The following NR3C2 variants were observed in gnomAD, a reference collection of about 807,000 sequenced individuals.
The protein encoded by NR3C2 is nuclear receptor subfamily 3 group C member 2, also known as mineralocorticoid receptor.
NR3C2 carries 15 observed loss-of-function variants against 86.4 expected under a neutral mutation model. The observed-to-expected ratio is 0.17, with a 90% CI of 0.12 to 0.27. NR3C2 has a LOEUF of 0.27. Ranked by LOEUF, NR3C2 falls within the 10% of genes least tolerant of loss-of-function variation. The pLI is 1.00. For synonymous variants in NR3C2, 458 were observed against 450.5 expected, an observed-to-expected ratio of 1.02 and a Z score of -0.21; for missense variants, 960 against 1,195.6, an observed-to-expected ratio of 0.80 and a Z score of 2.91.
At chr4:148,218,587 T>C (rs1433492412) in intron 3 of NR3C2, among the ~76,000 whole-genome samples, 5 of 152,156 alleles carry the variant, frequency 3.3e-5, no homozygotes, top group African/African-American at 1.2e-4. Flanking sequence ...ATTAGTCAAT[T>C]TACAGAGCTT....
At chr4:148,105,688 T>C (rs1232787294) in intron 8 of NR3C2, among the ~76,000 whole-genome samples, 1 of 152,200 alleles carries the variant, frequency 6.6e-6, no homozygotes, top group East Asian at 1.9e-4. Context: ...CACGATCAAG[T>C]TGGCTTCATC....
chr4:148,211,686 G>T (rs531459724), intron 3 of NR3C2, among the ~76,000 whole-genome samples: 1 of 151,938 alleles, frequency 6.6e-6, no homozygotes, highest in South Asian at 2.1e-4. Flanking sequence ...CCTCTATGAA[G>T]CAGGATGGAG....
chr4:148,207,384 T>C (rs752026902), intron 3 of NR3C2, among the ~76,000 whole-genome samples: 23 of 152,212 alleles, frequency 1.5e-4, no homozygotes, highest in Non-Finnish European at 2.8e-4. Context: ...GTACTGAATC[T>C]TCGCATGCAT....
At chr4:148,294,591 T>C (rs925448703) in intron 2 of NR3C2, among the ~76,000 whole-genome samples, 2 of 152,028 alleles carry the variant, frequency 1.3e-5, no homozygotes, top group Non-Finnish European at 2.9e-5. Context: ...GTACCTCAAC[T>C]GCAGATAAAC....
chr4:148,259,320 A>AT (rs1339298867), intron 3 of NR3C2, among the ~76,000 whole-genome samples: 7 of 152,250 alleles, frequency 4.6e-5, no homozygotes, highest in African/African-American at 1.7e-4. Flanking sequence ...CTAACTGCTT[A>AT]TAAGTGAGGA....
intron 8 of NR3C2, among the ~76,000 whole-genome samples, chr4:148,103,228 T>C (rs1731621119): frequency 6.6e-6 from 1 of 152,196 alleles, no homozygotes; most frequent in Non-Finnish European, 1.5e-5. Flanking sequence ...CCACCCGTGG[T>C]CCTGACACTC....
chr4:148,119,691 C>T (rs763731183), intron 7 of NR3C2, among the ~76,000 whole-genome samples: 3 of 150,582 alleles, frequency 2.0e-5, no homozygotes, highest in Non-Finnish European at 4.4e-5. Flanking sequence ...GAGGCCGAGG[C>T]AGGAGAATCG....
intron 2 of NR3C2, among the ~76,000 whole-genome samples, chr4:148,269,333 C>T (rs1395742208): frequency 6.6e-6 from 1 of 152,104 alleles, no homozygotes; most frequent in Non-Finnish European, 1.5e-5. Context: ...GGGATGTGGT[C>T]ATTGTTGATA....
chr4:148,245,629 C>T (rs1474307055), intron 3 of NR3C2, among the ~76,000 whole-genome samples: 1 of 152,050 alleles, frequency 6.6e-6, no homozygotes, highest in Non-Finnish European at 1.5e-5. Flanking sequence ...ACATAGCCTC[C>T]TAAAGCTATG....
chr4:148,290,127 C>T (rs181090137), intron 2 of NR3C2, among the ~76,000 whole-genome samples: 2,162 of 152,216 alleles, frequency 0.014, 45 homozygotes, highest in African/African-American at 0.05. Flanking sequence ...TCCGGGGCCT[C>T]TCTCTGTCTT....
chr4:148,308,791 G>A (rs1417169773), intron 2 of NR3C2, among the ~76,000 whole-genome samples: 1 of 152,100 alleles, frequency 6.6e-6, no homozygotes, highest in Admixed American at 6.6e-5. Context: ...TTCGAGACCA[G>A]CCTGAGCAAC....
At chr4:148,231,891 C>T (rs1293345966) in intron 3 of NR3C2, among the ~76,000 whole-genome samples, 1 of 152,066 alleles carries the variant, frequency 6.6e-6, no homozygotes, top group Non-Finnish European at 1.5e-5. Flanking sequence ...TTCAAGAAAC[C>T]ACTTTCTTTC....
chr4:148,438,171 G>C (rs1436421102), intron 1 of NR3C2, among the ~76,000 whole-genome samples: 1 of 152,176 alleles, frequency 6.6e-6, no homozygotes, highest in African/African-American at 2.4e-5. Flanking sequence ...TTTTGGGCCT[G>C]ATAATTCTTA....
intron 3 of NR3C2, among the ~76,000 whole-genome samples, chr4:148,247,079 T>C (rs1055951194): frequency 2.6e-5 from 4 of 152,210 alleles, no homozygotes; most frequent in African/African-American, 9.6e-5. Context: ...TTAGTACTTA[T>C]GTAATGGTAA....
At chr4:148,299,895 C>T (rs899869744) in intron 2 of NR3C2, among the ~76,000 whole-genome samples, 1 of 152,110 alleles carries the variant, frequency 6.6e-6, no homozygotes, top group African/African-American at 2.4e-5. Context: ...CTTTTAGAAG[C>T]CGTGTTACTA....
At chr4:148,420,989 T>A (rs1749254043) in intron 2 of NR3C2, among the ~76,000 whole-genome samples, 1 of 152,164 alleles carries the variant, frequency 6.6e-6, no homozygotes, top group Non-Finnish European at 1.5e-5. Flanking sequence ...TCTTTATAGA[T>A]TACCTAGTTT....
At chr4:148,413,252 T>C (rs1446650668) in intron 2 of NR3C2, among the ~76,000 whole-genome samples, 1 of 152,210 alleles carries the variant, frequency 6.6e-6, no homozygotes, top group Non-Finnish European at 1.5e-5. Flanking sequence ...TCCCTATCAC[T>C]GTGAGGATTA....
chr4:148,289,803 T>C (rs1308287889), intron 2 of NR3C2, among the ~76,000 whole-genome samples: 1 of 152,152 alleles, frequency 6.6e-6, no homozygotes, highest in Non-Finnish European at 1.5e-5. Context: ...TCTTGCTTGC[T>C]TGCTCTGATA....
chr4:148,404,530 T>C (rs1209899206), intron 2 of NR3C2, among the ~76,000 whole-genome samples: 1 of 152,180 alleles, frequency 6.6e-6, no homozygotes, highest in Non-Finnish European at 1.5e-5. Context: ...CAAAATATTT[T>C]AGGTCTCCTC....
Sources: gnomAD v4.1 joint callset for allele counts (sites outside exome capture counted in the v4.1 genomes callset) on GRCh38, gnomAD v4.1.1 for gene constraint, MANE v1.5 for transcripts, NCBI Gene and HGNC (gene_info 2026-07-23, HGNC 2026-07-21) for gene names.